The following RAF1 variants were observed in gnomAD, a reference collection of about 807,000 sequenced individuals.
The protein encoded by RAF1 is Raf-1 proto-oncogene, serine/threonine kinase.
Under a neutral mutation model 81.1 loss-of-function variants are expected in RAF1, and 27 were observed. The ratio of observed to expected loss-of-function variants is 0.33; its 90% CI spans 0.25 to 0.46. The LOEUF (loss-of-function observed/expected upper bound fraction) is 0.46. Among genes scored for constraint, RAF1 ranks in the 20% least tolerant of loss-of-function variants. RAF1 has a pLI of 1.00. For missense variants in RAF1, 598 were observed against 826.0 expected (o/e 0.72, Z 3.38); for synonymous variants, 298 against 294.0 (o/e 1.01, Z -0.14).
Position 12,585,326 on chromosome 3 carries a change from G to GCTGT in RAF1, c.1597-77_1597-74dup. ...GGCCTCACAGACATCTAGGGGCCAG[G>GCTGT]CTGTCCCTTTCATTAGTTATGAATG... On this transcript the variant is annotated intron_variant, in intron 15 of 17. Transcript: ENST00000442415. 5.0e-6 allele frequency: 8 copies of GCTGT among 1,602,228 alleles called. No individual in the cohort carries two copies. In the South Asian group the frequency reaches 8.9e-5, roughly 18 times the overall value.
At chr3:12,617,225 G>A (rs1219233141) in intron 2 of RAF1, among the ~76,000 whole-genome samples, 4 of 152,134 alleles carry the variant, frequency 2.6e-5, no homozygotes, top group Non-Finnish European at 5.9e-5. Context: ...TGATTCTCCT[G>A]CCTCAGCCTC....
At chr3:12,649,532 G>GGA (rs1482346397) in intron 1 of RAF1, among the ~76,000 whole-genome samples, 1 of 152,078 alleles carries the variant, frequency 6.6e-6, no homozygotes, top group Non-Finnish European at 1.5e-5. Flanking sequence ...ACAGGAGTTT[G>GGA]AGGCTGCAGT....
At chr3:12,622,140 T>C (rs546431057) in intron 1 of RAF1, among the ~76,000 whole-genome samples, 1 of 152,276 alleles carries the variant, frequency 6.6e-6, no homozygotes, top group East Asian at 1.9e-4. Context: ...ATGAGGTCCC[T>C]TTTTAGGAGT....
intron 13 of RAF1, chr3:12,590,145 A>T (rs1479276731): frequency 6.6e-6 from 1 of 152,146 alleles, no homozygotes; most frequent in Non-Finnish European, 1.5e-5. Context: ...ATCTGCTTAA[A>T]CCCTCATGTG....
At chr3:12,631,187 A>T (rs2059848619) in intron 1 of RAF1, among the ~76,000 whole-genome samples, 2 of 152,108 alleles carry the variant, frequency 1.3e-5, no homozygotes, top group Admixed American at 6.5e-5. Context: ...GTGGTGGCTC[A>T]CTATATTAAA....
chr3:12,640,134 A>G (rs2060140374), intron 1 of RAF1, among the ~76,000 whole-genome samples: 1 of 152,246 alleles, frequency 6.6e-6, no homozygotes, highest in Non-Finnish European at 1.5e-5. Flanking sequence ...TTCCCTATTT[A>G]ATAAATGGTG....
rs1338021192 is a variant in RAF1 at position 12,587,655 on chromosome 3, A to G, written c.1431-18T>C. 6.3e-7 allele frequency: 1 copy of G among 1,597,222 alleles called. No individual in the cohort carries two copies. Among genetic ancestry groups the G allele is most frequent in the Non-Finnish European group, 8.6e-7 (1 of 1,164,652 alleles). On this transcript the variant is annotated intron_variant, in intron 13 of 17. Transcript: ENST00000442415. ...GCAAATAGCTGTGAAGGGAAAAGAA[A>G]TTATTAAAAATAAGTTTGAGGGGCA...
chr3:12,648,808 G>C (rs2060431715), intron 1 of RAF1, among the ~76,000 whole-genome samples: 1 of 152,052 alleles, frequency 6.6e-6, no homozygotes, highest in South Asian at 2.1e-4. Context: ...GGAGTCAATG[G>C]CTTTCAAATA....
At chr3:12,650,935 G>C (rs1208052145) in intron 1 of RAF1, among the ~76,000 whole-genome samples, 1 of 152,148 alleles carries the variant, frequency 6.6e-6, no homozygotes, top group Non-Finnish European at 1.5e-5. Context: ...GCTTAAAGGG[G>C]CAATATTTCA....
At chr3:12,646,233 T>TG (rs1347429035) in intron 1 of RAF1, among the ~76,000 whole-genome samples, 1 of 152,176 alleles carries the variant, frequency 6.6e-6, no homozygotes, top group Non-Finnish European at 1.5e-5. Flanking sequence ...CTCAAACTCC[T>TG]GGGCTCAAGC....
chr3:12,591,040 C>T, intron 12 of RAF1, 66 bp from the exon 12 acceptor site: 1 of 1,450,174 alleles, frequency 6.9e-7, no homozygotes, highest in Non-Finnish European at 9.5e-7. Context: ...ACTGTGCTTT[C>T]CCGTGGACAG....
chr3:12,662,395 A>T (rs1032501620), intron 1 of RAF1, among the ~76,000 whole-genome samples: 6 of 149,940 alleles, frequency 4.0e-5, no homozygotes, highest in South Asian at 2.1e-4. Flanking sequence ...CTGAAAAAAT[A>T]AAAAAAAATT....
At chr3:12,596,705 C>G (rs980243743) in intron 11 of RAF1, among the ~76,000 whole-genome samples, 3 of 152,118 alleles carry the variant, frequency 2.0e-5, no homozygotes, top group Non-Finnish European at 4.4e-5. Context: ...AGATACTGAA[C>G]AGATATACTG....
chr3:12,604,006 G>T, intron 7 of RAF1, 130 bp downstream of exon 7: 1 of 1,044,236 alleles, frequency 9.6e-7, no homozygotes, highest in Non-Finnish European at 1.5e-6. Flanking sequence ...AAAATAAACT[G>T]TAAAAGTCCA....
chr3:12,618,092 A>AT (rs964911552), intron 2 of RAF1, among the ~76,000 whole-genome samples: 4 of 152,086 alleles, frequency 2.6e-5, no homozygotes, highest in African/African-American at 9.7e-5. Flanking sequence ...ATATACAAAA[A>AT]TAATCTTTTC....
At chr3:12,592,879 G>C (rs902460140) in intron 11 of RAF1, among the ~76,000 whole-genome samples, 3 of 151,368 alleles carry the variant, frequency 2.0e-5, no homozygotes, top group Non-Finnish European at 2.9e-5. Context: ...GGGACTACAG[G>C]CACCCGCCAC....
At chr3:12,638,035 C>T (rs2060081006) in intron 1 of RAF1, among the ~76,000 whole-genome samples, 1 of 152,110 alleles carries the variant, frequency 6.6e-6, no homozygotes, top group South Asian at 2.1e-4. Flanking sequence ...TCCTACCCTT[C>T]CCCATCATTC....
At chr3:12,604,107 A>G (rs1288627946) in intron 7 of RAF1, 29 bp downstream of exon 7, 4 of 1,613,384 alleles carry the variant, frequency 2.5e-6, no homozygotes, top group Non-Finnish European at 3.4e-6. Context: ...TAATTGACTG[A>G]CATTACCACC....
chr3:12,609,674 T>A (rs1415454131), intron 3 of RAF1, among the ~76,000 whole-genome samples: 4 of 152,046 alleles, frequency 2.6e-5, no homozygotes, highest in Non-Finnish European at 5.9e-5. Context: ...AGAGAGAGAG[T>A]CTTGCTGTGT....
Sources: gnomAD v4.1 joint callset for allele counts (sites outside exome capture counted in the v4.1 genomes callset) on GRCh38, gnomAD v4.1.1 for gene constraint, MANE v1.5 for transcripts, NCBI Gene and HGNC (gene_info 2026-07-23, HGNC 2026-07-21) for gene names.